The following KDM3B variants were observed in gnomAD, a reference collection of about 807,000 sequenced individuals.
The protein encoded by KDM3B is lysine demethylase 3B.
KDM3B carries 10 observed loss-of-function variants against 170.0 expected under a neutral mutation model. The observed-to-expected ratio is 0.06, with a 90% CI of 0.04 to 0.10. The LOEUF is 0.10. Ranked by LOEUF, KDM3B falls within the 10% of genes least tolerant of loss-of-function variation. The probability of loss-of-function intolerance (pLI) is 1.00; values close to 1 mark genes in which losing one functional copy is unlikely to be tolerated. For missense variants in KDM3B, 1,394 were observed against 2,195.2 expected (o/e 0.64, Z 7.29); for synonymous variants, 831 against 834.8 (o/e 1.00, Z 0.08).
At chr5:138,380,367 A>G (rs1762097501) in intron 5 of KDM3B, among the ~76,000 whole-genome samples, 1 of 149,260 alleles carries the variant, frequency 6.7e-6, no homozygotes, top group Non-Finnish European at 1.5e-5. Flanking sequence ...TATAATTTAT[A>G]TGCTCTATAA....
chr5:138,353,220 G>T (rs2126898431), intron 1 of KDM3B, among the ~76,000 whole-genome samples: 1 of 152,326 alleles, frequency 6.6e-6, no homozygotes, highest in South Asian at 2.1e-4. Context: ...GTCCGGAGCT[G>T]CTGCTTGCAG....
intron 7 of KDM3B, 45 bp downstream of exon 7, chr5:138,386,666 TTCGCCC>T (rs749452769): frequency 1.3e-6 from 2 of 1,573,660 alleles, no homozygotes; most frequent in Non-Finnish European, 1.7e-6. Flanking sequence ...GGTTTACTCT[TTCGCCC>T]TCCTTTATTG....
chr5:138,423,984 A>G (rs1580952853), intron 15 of KDM3B, 91 bp from the exon 16 acceptor site: 2 of 1,318,770 alleles, frequency 1.5e-6, no homozygotes, highest in Non-Finnish European at 2.1e-6. Context: ...ACAGGTCAGA[A>G]CTCCTTGTGA....
chr5:138,375,982 A>G (rs978399407), intron 3 of KDM3B, among the ~76,000 whole-genome samples: 1 of 149,886 alleles, frequency 6.7e-6, no homozygotes, highest in Non-Finnish European at 1.5e-5. Flanking sequence ...TGGCATTTTT[A>G]AATTTTTATT....
rs149929144 is a variant in KDM3B, at chr5:138,419,209, A to T, written c.3692A>T (p.Gln1231Leu). 1.2e-5 allele frequency: 19 copies of T among 1,613,330 alleles called. No individual in the cohort carries two copies. The African/African-American group carries it at 2.5e-4, about 22-fold the overall frequency. The change falls in exon 14 of 24, where the codon CAG (glutamine) becomes CTG (leucine). Residue 1231 changes from glutamine to leucine, a missense_variant. This residue lies in a region of KDM3B where 10 missense variants were observed against 29.1 expected (regional missense o/e 0.34). Transcript: ENST00000314358. ...ALHWLADLAT[Q>L]KAKEETKEAG... The stretch of plus-strand genomic sequence containing the variant: ...CACTGGTTGGCAGATTTAGCAACTC[A>T]GAAGGCTAAAGAAGAAACAAAAGGT...
At chr5:138,420,590 G>T in intron 14 of KDM3B, 116 bp from the exon 15 acceptor site, 1 of 1,135,098 alleles carries the variant, frequency 8.8e-7, no homozygotes, top group East Asian at 2.3e-5. Flanking sequence ...AGTTTGGGGG[G>T]TGCAAGGGAA....
intron 17 of KDM3B, 50 bp downstream of exon 17, chr5:138,425,632 A>G (rs758546022): frequency 6.7e-7 from 1 of 1,502,234 alleles, no homozygotes; most frequent in South Asian, 1.2e-5. Context: ...GAAAATAAGC[A>G]TCTATACGCC....
chr5:138,354,047 A>G (rs1761394517), intron 1 of KDM3B, among the ~76,000 whole-genome samples: 1 of 152,158 alleles, frequency 6.6e-6, no homozygotes, highest in African/African-American at 2.4e-5. Context: ...GCTTTTGCAG[A>G]TATAAACGGG....
At chr5:138,393,042 G>C in intron 8 of KDM3B, 129 bp from the exon 9 acceptor site, 1 of 737,682 alleles carries the variant, frequency 1.4e-6, no homozygotes. Flanking sequence ...TGGACATAAT[G>C]GGTACATGCC....
intron 1 of KDM3B, among the ~76,000 whole-genome samples, chr5:138,356,674 G>A (rs1438865740): frequency 1.6e-5 from 2 of 127,064 alleles, no homozygotes; most frequent in South Asian, 2.5e-4. Context: ...ACACAGTCTC[G>A]CTGTGTCACC....
At chr5:138,353,107 CTCCTTA>C in intron 1 of KDM3B, 120 bp downstream of exon 1, 2 of 838,668 alleles carry the variant, frequency 2.4e-6, no homozygotes, top group South Asian at 1.2e-4. Context: ...GCCCCCGGGT[CTCCTTA>C]GCGCCCCCCG....
chr5:138,421,532 G>C (rs1763273576), intron 15 of KDM3B, among the ~76,000 whole-genome samples: 1 of 152,118 alleles, frequency 6.6e-6, no homozygotes, highest in Non-Finnish European at 1.5e-5. Flanking sequence ...CATCAGCTCT[G>C]TTGCTTCCTC....
intron 12 of KDM3B, among the ~76,000 whole-genome samples, chr5:138,417,148 A>G (rs1250616923): frequency 6.6e-6 from 1 of 152,218 alleles, no homozygotes; most frequent in Non-Finnish European, 1.5e-5. Context: ...ACACTAGAGA[A>G]TCTACCCCTA....
In KDM3B at chr5:138,419,181, C is replaced by T. The variant is rs1163642883; in HGVS notation, c.3664C>T (p.Leu1222=). 1 of 1,614,186 alleles carries T rather than the reference C, an allele frequency of 6.2e-7. No individual in the cohort carries two copies. The highest frequency in any genetic ancestry group is 1.7e-5 in the Admixed American group (1 of 60,022). The change falls in exon 14 of 24, where the codon CTG becomes TTG. Residue 1222 remains leucine, a synonymous_variant. Coordinates refer to ENST00000314358, the MANE Select transcript of KDM3B (RefSeq NM_016604.4). ...CPDTAPPSSA[L]HWLADLATQK... Reference sequence around the variant, plus strand: ...TGACACGGCCCCACCCTCCTCCGCCCTGCACTGGTTGGCAGATTTAGCAAC... The same window carrying T: ...TGACACGGCCCCACCCTCCTCCGCCTTGCACTGGTTGGCAGATTTAGCAAC...
At position 138,425,407 on chromosome 5, in the gene KDM3B, A is replaced by G. The variant is rs145552580; in HGVS notation, c.4240-4A>G. 6.2e-7 allele frequency: 1 copy of G among 1,611,872 alleles called. No homozygotes were observed. The highest frequency in any genetic ancestry group is 2.2e-5 in the East Asian group (1 of 44,884). On this transcript the variant is annotated splice_region_variant and splice_polypyrimidine_tract_variant and intron_variant, in intron 16 of 23. Coordinates refer to ENST00000314358, the MANE Select transcript of KDM3B (RefSeq NM_016604.4). ...CTCTGATTGGGATATTTTTGTTTCCACAGCCAGTGCTGGTTTCGGGGGTAC... is the reference window on the plus strand; with the variant it reads ...CTCTGATTGGGATATTTTTGTTTCCGCAGCCAGTGCTGGTTTCGGGGGTAC...
intron 1 of KDM3B, among the ~76,000 whole-genome samples, chr5:138,356,428 G>GA (rs1369572632): frequency 1.3e-5 from 2 of 152,068 alleles, no homozygotes; most frequent in African/African-American, 4.8e-5. Context: ...TCTGATGGGT[G>GA]AAAAACAATA....
At chr5:138,387,660 C>T (rs1217401716) in intron 7 of KDM3B, among the ~76,000 whole-genome samples, 1 of 152,196 alleles carries the variant, frequency 6.6e-6, no homozygotes, top group Non-Finnish European at 1.5e-5. Flanking sequence ...AGGAGAAGGC[C>T]TGTAAATGCA....
chr5:138,430,071 T>G, intron 21 of KDM3B, 106 bp downstream of exon 21: 1 of 1,432,154 alleles, frequency 7.0e-7, no homozygotes, highest in South Asian at 1.3e-5. Flanking sequence ...ATTAAAGACT[T>G]GTTGGCCATG....
intron 22 of KDM3B, among the ~76,000 whole-genome samples, chr5:138,430,709 G>A (rs554943575): frequency 5.9e-5 from 9 of 152,244 alleles, no homozygotes; most frequent in African/African-American, 2.2e-4. Context: ...TGACCAACAT[G>A]GTGAAACCCC....
Sources: gnomAD v4.1 joint callset for allele counts (sites outside exome capture counted in the v4.1 genomes callset) on GRCh38, gnomAD v4.1.1 for gene constraint, gnomAD v4.1.1 regional missense constraint, MANE v1.5 for transcripts, NCBI Gene and HGNC (gene_info 2026-07-23, HGNC 2026-07-21) for gene names.